Variants in FRMD3 observed in about 807,000 individuals in gnomAD.
FRMD3 encodes the protein FERM domain-containing protein 3.
A neutral mutation model predicts 70.2 loss-of-function variants in FRMD3; 33 were observed. The observed-to-expected ratio is 0.47, with a 90% CI of 0.36 to 0.63. The LOEUF (loss-of-function observed/expected upper bound fraction) is 0.63, where lower values mean the gene tolerates loss of function less well. FRMD3 is among the 20% of genes least tolerant of loss of function. The pLI is 0.00. For synonymous variants in FRMD3, 279 were observed against 255.9 expected, an observed-to-expected ratio of 1.09 and a Z score of -0.86; for missense variants, 632 against 711.4, an observed-to-expected ratio of 0.89 and a Z score of 1.27.
chr9:83,533,665 C>T (rs1011637388), intron 1 of FRMD3, among the ~76,000 whole-genome samples: 1 of 152,168 alleles, frequency 6.6e-6, no homozygotes, highest in Non-Finnish European at 1.5e-5. Context: ...ACATATTATA[C>T]TATATAGAAT....
In FRMD3 at chr9:83,336,903, A is replaced by G. The variant is rs142132701; in HGVS notation, c.473-1264T>C. Among the ~76,000 whole-genome samples, 221 of 152,158 alleles carry G rather than the reference A, an allele frequency of 1.5e-3. 1 individual carries two copies. The highest frequency in any genetic ancestry group is 5.2e-3 in the African/African-American group (214 of 41,490). On this transcript the variant is annotated intron_variant, in intron 5 of 13. Transcript: ENST00000304195. ...CCCCTCCCTTTTGTGGTTTTGACAC[A>G]GTAACTGATCAGCATTCCTTCCTGG...
intron 3 of FRMD3, among the ~76,000 whole-genome samples, chr9:83,359,113 C>G (rs377089314): frequency 6.6e-6 from 1 of 152,150 alleles, no homozygotes; most frequent in African/African-American, 2.4e-5. Flanking sequence ...CTGTGTTTCC[C>G]CAGCTTCCAA....
chr9:83,505,685 GAGCACTTCA>G (rs1486477971), intron 1 of FRMD3, among the ~76,000 whole-genome samples: 1 of 152,208 alleles, frequency 6.6e-6, no homozygotes, highest in African/African-American at 2.4e-5. Context: ...GGTGCTGCCT[GAGCACTTCA>G]TGAAGAACAT....
the FRMD3 span, among the ~76,000 whole-genome samples, chr9:83,550,934 T>G: frequency 2.0e-5 from 3 of 152,160 alleles, no homozygotes; most frequent in African/African-American, 7.2e-5. Context: ...GGAGGTAGTT[T>G]GACTTCCTCT....
In FRMD3 at chr9:83,468,903, T is replaced by C. The variant is rs372198139; in HGVS notation, c.147+69182A>G. On this transcript the variant is annotated intron_variant, in intron 1 of 13. Coordinates refer to ENST00000304195, the MANE Select transcript of FRMD3 (RefSeq NM_174938.6). ...GCCCATGAGAGCAGCCAGCTAGCCA[T>C]ATAATGGCCGTGGCTTTGACTTCCA... 1.4e-4 allele frequency among the ~76,000 whole-genome samples: 21 copies of C among 152,274 alleles called. 1 individual carries two copies. In the South Asian group the frequency reaches 2.3e-3, roughly 17 times the overall value.
chr9:83,306,955 A>G (rs1564006330), intron 10 of FRMD3, among the ~76,000 whole-genome samples: 1 of 152,222 alleles, frequency 6.6e-6, no homozygotes, highest in Admixed American at 6.5e-5. Flanking sequence ...ACACTTTAAA[A>G]TAATTAATTT....
intron 1 of FRMD3, among the ~76,000 whole-genome samples, chr9:83,530,044 G>A (rs1829763072): frequency 6.6e-6 from 1 of 152,194 alleles, no homozygotes; most frequent in African/African-American, 2.4e-5. Context: ...TGGTGGGAAT[G>A]TAAAATGGTG....
intron 1 of FRMD3, among the ~76,000 whole-genome samples, chr9:83,406,204 A>G (rs1399981618): frequency 6.6e-6 from 1 of 151,936 alleles, no homozygotes; most frequent in Non-Finnish European, 1.5e-5. Context: ...ACTAACACCA[A>G]TCTTCCCTGC....
At chr9:83,269,142 A>G (rs1283083269) in intron 13 of FRMD3, among the ~76,000 whole-genome samples, 9 of 152,244 alleles carry the variant, frequency 5.9e-5, no homozygotes, top group Admixed American at 5.9e-4. Flanking sequence ...TCATAGATTA[A>G]CCGGGGCTCA....
At chr9:83,568,955 G>GATAGATACATAC in the FRMD3 span, among the ~76,000 whole-genome samples, 2,322 of 130,734 alleles carry the variant, frequency 0.018, 30 homozygotes, top group African/African-American at 0.03. Context: ...TAGATAGATA[G>GATAGATACATAC]ATACATACAT....
At chr9:83,404,889 G>A (rs553722337) in intron 1 of FRMD3, among the ~76,000 whole-genome samples, 1 of 152,332 alleles carries the variant, frequency 6.6e-6, no homozygotes, top group Non-Finnish European at 1.5e-5. Context: ...AAGGTAATGT[G>A]TTTCTTTTTC....
chr9:83,299,192 A>C lies in FRMD3; in HGVS notation c.927-6T>G. 1 of 1,604,236 alleles carries C rather than the reference A, an allele frequency of 6.2e-7. No homozygotes were observed. Among genetic ancestry groups the C allele is most frequent in the Non-Finnish European group, 8.5e-7 (1 of 1,173,108 alleles). On this transcript the variant is annotated splice_polypyrimidine_tract_variant and splice_region_variant and intron_variant, in intron 10 of 13. Coordinates refer to ENST00000304195, the MANE Select transcript of FRMD3 (RefSeq NM_174938.6). The stretch of plus-strand genomic sequence containing the variant: ...TCTGACTGGATTTTGCATACCTTTA[A>C]GAAAAAGCAAAGCACAGGTGGTTAG...
At chr9:83,366,742 G>GT (rs992179563) in intron 3 of FRMD3, among the ~76,000 whole-genome samples, 73 of 152,314 alleles carry the variant, frequency 4.8e-4, no homozygotes, top group African/African-American at 1.5e-3. Context: ...AACTTTAAAA[G>GT]TTTTTTCATG....
At chr9:83,527,017 T>A (rs764033683) in intron 1 of FRMD3, among the ~76,000 whole-genome samples, 1 of 152,174 alleles carries the variant, frequency 6.6e-6, no homozygotes, top group South Asian at 2.1e-4. Flanking sequence ...TCCAGGGTCA[T>A]TGTCCCTCAG....
Position 83,363,593 on chromosome 9 carries a change from G to A in FRMD3, c.295+9320C>T, listed in dbSNP as rs563132896. 3.6e-3 allele frequency among the ~76,000 whole-genome samples: 462 copies of A among 128,744 alleles called. 1 individual carries two copies. Among genetic ancestry groups the A allele is most frequent in the African/African-American group, 0.012 (423 of 34,646 alleles). The allele number at this position is 128,744 out of a possible 152,430, so 84.5% of individuals were successfully genotyped here. A position where few individuals can be genotyped will look rare whatever the true frequency, so the allele number is the denominator to read the frequency against. On this transcript the variant is annotated intron_variant, in intron 3 of 13. Transcript: ENST00000304195. ...TTTTTTGAGACGGAGTCTCGCTGTC[G>A]CCCAGGCTGGAGTGCAGTGGCGCGA...
chr9:83,423,179 A>G (rs1826694397), intron 1 of FRMD3, among the ~76,000 whole-genome samples: 1 of 152,260 alleles, frequency 6.6e-6, no homozygotes, highest in South Asian at 2.1e-4. Flanking sequence ...TAATAACACA[A>G]TTACACAAGG....
intron 2 of FRMD3, among the ~76,000 whole-genome samples, chr9:83,385,918 G>C (rs1825498840): frequency 6.6e-6 from 1 of 152,014 alleles, no homozygotes; most frequent in South Asian, 2.1e-4. Context: ...AACATTTCTA[G>C]GTTTTAGAGG....
At chr9:83,434,624 G>A (rs763541241) in intron 1 of FRMD3, among the ~76,000 whole-genome samples, 1 of 152,074 alleles carries the variant, frequency 6.6e-6, no homozygotes, top group Non-Finnish European at 1.5e-5. Flanking sequence ...CAAACCAAAG[G>A]AGACACAGCC....
At chr9:83,334,226 T>G (rs1823499367) in intron 6 of FRMD3, among the ~76,000 whole-genome samples, 1 of 152,160 alleles carries the variant, frequency 6.6e-6, no homozygotes, top group Non-Finnish European at 1.5e-5. Context: ...TAGTGAGAAT[T>G]TCATGTATCT....
Sources: gnomAD v4.1 joint callset for allele counts (sites outside exome capture counted in the v4.1 genomes callset) on GRCh38, gnomAD v4.1.1 for gene constraint, MANE v1.5 for transcripts, NCBI Gene and HGNC (gene_info 2026-07-23, HGNC 2026-07-21) for gene names.